Variants in BMP5 observed in about 807,000 individuals in gnomAD.
BMP5 encodes the protein bone morphogenetic protein 5.
A neutral mutation model predicts 46.6 loss-of-function variants in BMP5; 23 were observed. That is an observed-to-expected ratio of 0.49 (90% CI 0.35 to 0.70). BMP5 has a LOEUF of 0.70. Ranked by LOEUF, BMP5 falls within the 30% of genes least tolerant of loss-of-function variation. The pLI is 0.00. For missense variants in BMP5, 545 were observed against 565.6 expected (o/e 0.96, Z 0.37); for synonymous variants, 204 against 191.9 (o/e 1.06, Z -0.52).
At chr6:55,774,390 T>C in intron 3 of BMP5, 147 bp from the exon 4 acceptor site, 1 of 736,900 alleles carries the variant, frequency 1.4e-6, no homozygotes, top group Non-Finnish European at 2.3e-6. Flanking sequence ...CTTATAAATA[T>C]TGAGGCTTAC....
At chr6:55,839,022 C>T (rs1776889988) in intron 1 of BMP5, among the ~76,000 whole-genome samples, 1 of 152,056 alleles carries the variant, frequency 6.6e-6, no homozygotes, top group South Asian at 2.1e-4. Context: ...ATATAATTTG[C>T]ATCTCCATAG....
chr6:55,785,068 A>G (rs1175394264), intron 3 of BMP5, among the ~76,000 whole-genome samples: 1 of 151,840 alleles, frequency 6.6e-6, no homozygotes, highest in Non-Finnish European at 1.5e-5. Context: ...ATTTGATTTC[A>G]GTTGTCCATC....
chr6:55,758,376 C>A (rs369145183), intron 6 of BMP5, among the ~76,000 whole-genome samples: 2 of 151,676 alleles, frequency 1.3e-5, no homozygotes, highest in African/African-American at 4.8e-5. Context: ...AGGTACAAGG[C>A]AATCAGTTAA....
At chr6:55,758,923 TA>T in intron 6 of BMP5, 81 bp downstream of exon 6, 2 of 975,036 alleles carry the variant, frequency 2.1e-6, no homozygotes, top group Non-Finnish European at 3.3e-6. Flanking sequence ...ATTAAAATTG[TA>T]AATAGATGCT....
chr6:55,799,394 AAG>A (rs908456622), intron 2 of BMP5, among the ~76,000 whole-genome samples: 9 of 152,186 alleles, frequency 5.9e-5, no homozygotes, highest in African/African-American at 1.9e-4. Flanking sequence ...GAAGAAGAAA[AAG>A]AGAGGAGCAG....
At chr6:55,788,341 G>T (rs543269237) in intron 3 of BMP5, among the ~76,000 whole-genome samples, 7 of 151,700 alleles carry the variant, frequency 4.6e-5, no homozygotes, top group Admixed American at 3.9e-4. Context: ...ATTGAAACAG[G>T]TTAAAACTTT....
At chr6:55,845,273 C>T (rs1582113681) in intron 1 of BMP5, among the ~76,000 whole-genome samples, 2 of 151,940 alleles carry the variant, frequency 1.3e-5, no homozygotes. Flanking sequence ...GAAAAATAAA[C>T]ATGGAACTTT....
At chr6:55,757,835 G>T (rs965189727) in intron 6 of BMP5, among the ~76,000 whole-genome samples, 15 of 151,960 alleles carry the variant, frequency 9.9e-5, no homozygotes, top group South Asian at 6.2e-4. Context: ...TGCTCTAGTT[G>T]TTATAGATTG....
At chr6:55,829,953 A>G (rs1482512042) in intron 1 of BMP5, among the ~76,000 whole-genome samples, 1 of 151,938 alleles carries the variant, frequency 6.6e-6, no homozygotes, top group East Asian at 1.9e-4. Context: ...GGTATTAAAA[A>G]CATTTGGTCC....
At chr6:55,759,399 T>C (rs535914049) in intron 5 of BMP5, among the ~76,000 whole-genome samples, 5 of 151,756 alleles carry the variant, frequency 3.3e-5, no homozygotes, top group Admixed American at 6.6e-5. Context: ...GGGGTAGTTA[T>C]GTAAGATATT....
chr6:55,781,497 T>C (rs1324370239), intron 3 of BMP5, among the ~76,000 whole-genome samples: 1 of 152,140 alleles, frequency 6.6e-6, no homozygotes, highest in Admixed American at 6.6e-5. Flanking sequence ...AATTTTAGTA[T>C]TCTGCATTTT....
chr6:55,798,841 T>C (rs984534666), intron 2 of BMP5, among the ~76,000 whole-genome samples: 1 of 152,140 alleles, frequency 6.6e-6, no homozygotes, highest in Admixed American at 6.5e-5. Context: ...GAGTGCCTTT[T>C]ATTTTAGTGA....
intron 2 of BMP5, among the ~76,000 whole-genome samples, chr6:55,816,326 A>C (rs1776268888): frequency 6.6e-6 from 1 of 152,064 alleles, no homozygotes; most frequent in East Asian, 1.9e-4. Context: ...CTCATAATCC[A>C]AGTGTGAAAA....
At chr6:55,799,391 A>C (rs762037740) in intron 2 of BMP5, among the ~76,000 whole-genome samples, 30 of 152,200 alleles carry the variant, frequency 2.0e-4, no homozygotes, top group Admixed American at 9.8e-4. Flanking sequence ...GGGGAAGAAG[A>C]AAAAGAGAGG....
At chr6:55,776,261 T>C (rs1775169216) in intron 3 of BMP5, among the ~76,000 whole-genome samples, 1 of 152,002 alleles carries the variant, frequency 6.6e-6, no homozygotes, top group Non-Finnish European at 1.5e-5. Flanking sequence ...GTAACAAATG[T>C]ATTAATTCAG....
intron 3 of BMP5, among the ~76,000 whole-genome samples, chr6:55,786,662 C>T (rs1287756114): frequency 6.6e-6 from 1 of 151,618 alleles, no homozygotes; most frequent in African/African-American, 2.4e-5. Context: ...AGCTAATTAT[C>T]CTTAAACATT....
intron 2 of BMP5, among the ~76,000 whole-genome samples, chr6:55,816,524 T>A (rs1776273923): frequency 6.6e-6 from 1 of 152,156 alleles, no homozygotes; most frequent in Non-Finnish European, 1.5e-5. Flanking sequence ...AATATTAGTA[T>A]CTTAATTTTA....
rs1012924212 is a variant in BMP5, at chr6:55,774,158, C to A, written c.918G>T (p.Lys306Asn). The A allele has an allele frequency of 7.4e-6, 12 of 1,613,038 alleles. No homozygotes were observed. The highest frequency in any genetic ancestry group is 2.7e-5 in the African/African-American group (2 of 74,808). ...SKQPFMVAFF[K>N]ASEVLLRSVR... ...CGGATCGAAGAAGTACCTCACTCGC[C>A]TTGAAGAAGGCCACCATGAATGGTT... Residue 306 changes from lysine (K) to asparagine (N), a missense_variant, in exon 4 of 7, where the codon AAG (lysine) becomes AAT (asparagine). Lys to Asn is a moderately conservative substitution (Grantham distance 94). Coordinates refer to ENST00000370830, the MANE Select transcript of BMP5 (RefSeq NM_021073.4).
At chr6:55,797,024 T>C (rs1339160285) in intron 2 of BMP5, among the ~76,000 whole-genome samples, 1 of 152,198 alleles carries the variant, frequency 6.6e-6, no homozygotes, top group African/African-American at 2.4e-5. Context: ...TTATTTAATT[T>C]CTCCTTTCTC....
Sources: allele counts gnomAD v4.1 joint callset (sites outside exome capture counted in the v4.1 genomes callset), GRCh38; gene constraint gnomAD v4.1.1; transcripts MANE v1.5; gene names NCBI Gene and HGNC (gene_info 2026-07-23, HGNC 2026-07-21).